Variants in PREX2 observed in about 807,000 individuals in gnomAD.
The protein encoded by PREX2 is phosphatidylinositol-3,4,5-trisphosphate dependent Rac exchange factor 2, also known as phosphatidylinositol 3,4,5-trisphosphate-dependent Rac exchanger 2 protein.
PREX2 carries 107 observed loss-of-function variants against 203.2 expected under a neutral mutation model. The ratio of observed to expected loss-of-function variants is 0.53; its 90% CI spans 0.45 to 0.62. PREX2 has a LOEUF of 0.62. Among genes scored for constraint, PREX2 ranks in the 20% least tolerant of loss-of-function variants. The pLI is 0.00. For missense variants in PREX2, 1,777 were observed against 1,955.9 expected, an observed-to-expected ratio of 0.91 and a Z score of 1.72; for synonymous variants, 672 against 663.6, an observed-to-expected ratio of 1.01 and a Z score of -0.19.
intron 35 of PREX2, among the ~76,000 whole-genome samples, chr8:68,170,428 T>C (rs990979576): frequency 7.9e-5 from 12 of 152,340 alleles, no homozygotes; most frequent in Admixed American, 7.2e-4. Flanking sequence ...CTGACCATTT[T>C]CCCCCGGTCT....
chr8:68,091,535 T>G (rs1210609109), intron 20 of PREX2, among the ~76,000 whole-genome samples: 1 of 152,214 alleles, frequency 6.6e-6, no homozygotes, highest in Non-Finnish European at 1.5e-5. Context: ...AATGGCCATT[T>G]TCTCATAAGC....
intron 33 of PREX2, among the ~76,000 whole-genome samples, chr8:68,144,272 A>C (rs781692138): frequency 6.6e-6 from 1 of 152,140 alleles, no homozygotes; most frequent in Non-Finnish European, 1.5e-5. Flanking sequence ...ATTGTTCATC[A>C]AGCTGGGAAG....
At chr8:68,076,604 G>GA (rs1248364666) in intron 14 of PREX2, among the ~76,000 whole-genome samples, 1 of 151,102 alleles carries the variant, frequency 6.6e-6, no homozygotes, top group East Asian at 2.0e-4. Flanking sequence ...ACATACCTAA[G>GA]TGCTAAAAGA....
At chr8:67,973,553 C>G (rs1392148604) in intron 1 of PREX2, among the ~76,000 whole-genome samples, 1 of 152,088 alleles carries the variant, frequency 6.6e-6, no homozygotes, top group African/African-American at 2.4e-5. Context: ...CAAACATCAC[C>G]TTTTTGTAAT....
intron 1 of PREX2, among the ~76,000 whole-genome samples, chr8:67,967,283 G>T (rs1046274664): frequency 6.6e-6 from 1 of 152,166 alleles, no homozygotes; most frequent in Admixed American, 6.5e-5. Flanking sequence ...AAAAAGCATG[G>T]TGACACTAAG....
At chr8:68,179,105 A>G (rs1389536887) in intron 35 of PREX2, among the ~76,000 whole-genome samples, 3 of 152,204 alleles carry the variant, frequency 2.0e-5, no homozygotes, top group Admixed American at 6.5e-5. Context: ...GTGCAACCGC[A>G]TGTGACTTGT....
intron 37 of PREX2, among the ~76,000 whole-genome samples, chr8:68,210,882 T>C (rs911539530): frequency 6.6e-6 from 1 of 152,202 alleles, no homozygotes; most frequent in African/African-American, 2.4e-5. Flanking sequence ...GTAAACAATA[T>C]CCACTTTAGG....
At chr8:68,017,767 A>C in intron 1 of PREX2, 79 bp from the exon 2 acceptor site, 1 of 1,209,134 alleles carries the variant, frequency 8.3e-7, no homozygotes, top group Non-Finnish European at 1.2e-6. Flanking sequence ...GTTGTAAAGA[A>C]ATTAGTTTAA....
At chr8:67,961,326 TAA>T (rs532976951) in intron 1 of PREX2, among the ~76,000 whole-genome samples, 145 of 152,146 alleles carry the variant, frequency 9.5e-4, no homozygotes, top group Non-Finnish European at 1.5e-3. Context: ...TGTTCTTCAT[TAA>T]AAGTGTTATT....
At chr8:68,183,554 T>C (rs1812130534) in intron 35 of PREX2, among the ~76,000 whole-genome samples, 1 of 152,138 alleles carries the variant, frequency 6.6e-6, no homozygotes, top group Non-Finnish European at 1.5e-5. Flanking sequence ...ATATGCAGTA[T>C]TTTAACAGTA....
chr8:68,224,977 A>G (rs933319371), intron 39 of PREX2, among the ~76,000 whole-genome samples: 2 of 151,912 alleles, frequency 1.3e-5, no homozygotes, highest in Non-Finnish European at 2.9e-5. Flanking sequence ...CCTTTCCCAT[A>G]TGTGTTTGTA....
intron 33 of PREX2, among the ~76,000 whole-genome samples, chr8:68,139,231 T>C (rs1811172146): frequency 6.6e-6 from 1 of 152,106 alleles, no homozygotes; most frequent in Non-Finnish European, 1.5e-5. Context: ...AAGGGGCAGA[T>C]GGAAGGTTGC....
chr8:68,232,383 A>T lies in PREX2; in HGVS notation c.*1005A>T, dbSNP rs200084784. The T allele has an allele frequency of 2.2e-5, 3 of 138,036 alleles. No homozygotes were observed. The highest frequency in any genetic ancestry group is 5.1e-5 in the African/African-American group (2 of 39,430). 8.6% of individuals were successfully genotyped at this position (138,036 alleles called of 1,614,324 possible). A position where few individuals can be genotyped will look rare whatever the true frequency, so the allele number is the denominator to read the frequency against. On this transcript the variant is annotated 3_prime_UTR_variant, in exon 40 of 40. Coordinates refer to ENST00000288368, the MANE Select transcript of PREX2 (RefSeq NM_024870.4). ...TGTACTTTAAAAGGACCATTAGGGG[A>T]CTTGTAATTTATGGATGCACAAGGT...
chr8:68,167,217 C>T (rs1040709536), intron 35 of PREX2, among the ~76,000 whole-genome samples: 1 of 152,172 alleles, frequency 6.6e-6, no homozygotes, highest in African/African-American at 2.4e-5. Flanking sequence ...CTTATTCCCA[C>T]CTCCTAAAAA....
intron 1 of PREX2, among the ~76,000 whole-genome samples, chr8:67,990,088 C>T (rs762190045): frequency 2.9e-4 from 44 of 151,990 alleles, no homozygotes; most frequent in Admixed American, 1.1e-3. Flanking sequence ...TGGGTTAAAG[C>T]GAGTCTTGTG....
At chr8:68,089,284 C>G (rs770965671) in intron 19 of PREX2, among the ~76,000 whole-genome samples, 6 of 152,154 alleles carry the variant, frequency 3.9e-5, no homozygotes, top group Non-Finnish European at 7.3e-5. Flanking sequence ...CGTATTACTA[C>G]TCAGCATTTT....
intron 18 of PREX2, among the ~76,000 whole-genome samples, chr8:68,083,659 T>C (rs531310406): frequency 6.6e-6 from 1 of 152,202 alleles, no homozygotes; most frequent in Non-Finnish European, 1.5e-5. Flanking sequence ...AATTGGGTTT[T>C]ACTATGAGTG....
intron 11 of PREX2, among the ~76,000 whole-genome samples, chr8:68,065,834 G>T (rs1809001653): frequency 6.6e-6 from 1 of 152,114 alleles, no homozygotes; most frequent in Non-Finnish European, 1.5e-5. Context: ...ATTAGACTGT[G>T]TATAAAACAA....
chr8:68,131,664 G>C (rs1811010783), intron 31 of PREX2, among the ~76,000 whole-genome samples: 1 of 152,274 alleles, frequency 6.6e-6, no homozygotes, highest in East Asian at 1.9e-4. Context: ...TAGTAGCAGA[G>C]TATAGAATAA....
Sources: allele counts gnomAD v4.1 joint callset (sites outside exome capture counted in the v4.1 genomes callset), GRCh38; gene constraint gnomAD v4.1.1; transcripts MANE v1.5; gene names NCBI Gene and HGNC (gene_info 2026-07-23, HGNC 2026-07-21).